Variants in TMEM132C observed in about 807,000 individuals in gnomAD.
TMEM132C encodes the protein transmembrane protein 132C, also known as protein phosphatase 1, regulatory subunit 152.
A neutral mutation model predicts 61.4 loss-of-function variants in TMEM132C; 29 were observed. The ratio of observed to expected loss-of-function variants is 0.47; its 90% CI spans 0.35 to 0.64. The LOEUF (loss-of-function observed/expected upper bound fraction) is 0.64, where lower values mean the gene tolerates loss of function less well. Ranked by LOEUF, TMEM132C falls within the 30% of genes least tolerant of loss-of-function variation. The pLI is 0.00. For missense variants in TMEM132C, 1,408 were observed against 1,476.9 expected (o/e 0.95, Z 0.76); for synonymous variants, 656 against 633.1 (o/e 1.04, Z -0.54).
At chr12:128,328,658 G>A (rs1033149540) in intron 1 of TMEM132C, among the ~76,000 whole-genome samples, 4 of 151,878 alleles carry the variant, frequency 2.6e-5, no homozygotes, top group South Asian at 2.1e-4. Flanking sequence ...GTGGTGGCAG[G>A]CACCCATAAT....
chr12:128,621,895 C>G (rs1953966521), intron 4 of TMEM132C, among the ~76,000 whole-genome samples: 1 of 152,182 alleles, frequency 6.6e-6, no homozygotes, highest in Admixed American at 6.5e-5. Flanking sequence ...ATGCCCACAG[C>G]TCTATGGCTC....
intron 4 of TMEM132C, among the ~76,000 whole-genome samples, chr12:128,660,349 TAGG>T (rs201882929): frequency 0.012 from 1,832 of 152,236 alleles, 34 homozygotes; most frequent in African/African-American, 0.042. Context: ...GCCAGTTCTA[TAGG>T]AGAAGTTTCT....
intron 2 of TMEM132C, among the ~76,000 whole-genome samples, chr12:128,491,622 T>TG (rs1390042847): frequency 6.6e-6 from 1 of 152,180 alleles, no homozygotes; most frequent in South Asian, 2.1e-4. Flanking sequence ...GCTCCTACTC[T>TG]GTCCCTGATG....
chr12:128,482,152 CAT>C (rs772142691), intron 2 of TMEM132C, among the ~76,000 whole-genome samples: 18 of 152,266 alleles, frequency 1.2e-4, no homozygotes, highest in African/African-American at 3.9e-4. Context: ...TTGAGATAAT[CAT>C]GTGGTTTTTG....
chr12:128,583,711 C>G (rs1875434673), intron 3 of TMEM132C, among the ~76,000 whole-genome samples: 1 of 152,202 alleles, frequency 6.6e-6, no homozygotes, highest in Non-Finnish European at 1.5e-5. Context: ...CCGAGCACCC[C>G]CAGATGGAGG....
intron 1 of TMEM132C, among the ~76,000 whole-genome samples, chr12:128,344,231 C>T (rs1873077141): frequency 6.6e-6 from 1 of 152,128 alleles, no homozygotes; most frequent in Non-Finnish European, 1.5e-5. Context: ...AATCTAGGCT[C>T]ACGGCAAGCT....
At chr12:128,486,490 C>G (rs1034870268) in intron 2 of TMEM132C, among the ~76,000 whole-genome samples, 6 of 152,176 alleles carry the variant, frequency 3.9e-5, no homozygotes, top group Non-Finnish European at 8.8e-5. Flanking sequence ...ACCCAGCAGA[C>G]CCTCCTTCTC....
At chr12:128,633,981 A>G (rs932690065) in intron 4 of TMEM132C, among the ~76,000 whole-genome samples, 1 of 152,234 alleles carries the variant, frequency 6.6e-6, no homozygotes, top group African/African-American at 2.4e-5. Context: ...TATTTATTGG[A>G]TATCCACAAA....
At position 128,415,040 on chromosome 12, in the gene TMEM132C, A is replaced by C. The variant is rs966874340; in HGVS notation, c.394A>C (p.Lys132Gln). The C allele has an allele frequency of 6.3e-7, 1 of 1,577,002 alleles. No homozygotes were observed. The highest frequency in any genetic ancestry group is 1.8e-5 in the Admixed American group (1 of 54,346). The change falls in exon 2 of 9, where the codon AAA becomes CAA. Residue 132 changes from lysine (K) to glutamine (Q), a missense_variant. Coordinates refer to ENST00000435159, the MANE Select transcript of TMEM132C (RefSeq NM_001136103.3). The surrounding 1 kb of genome is among the most constrained non-coding windows in gnomAD (Gnocchi z 5.8). ...TAAGTTTAGTTTTGATTGGAAACTA[A>C]AAGCCCACATCCTGCGGGACAAAGT... is the stretch of plus-strand genomic sequence containing the variant. The part of the protein sequence containing the change: ...TNKFSFDWKL[K>Q]AHILRDKVYL...
At chr12:128,679,699 T>C (rs1261874363) in intron 5 of TMEM132C, among the ~76,000 whole-genome samples, 1 of 152,360 alleles carries the variant, frequency 6.6e-6, no homozygotes, top group African/African-American at 2.4e-5. Flanking sequence ...GAGCACGTAC[T>C]ATGCTCTGGG....
At chr12:128,543,382 G>A (rs1255350351) in intron 2 of TMEM132C, among the ~76,000 whole-genome samples, 1 of 152,164 alleles carries the variant, frequency 6.6e-6, no homozygotes, top group East Asian at 1.9e-4. Context: ...GTTATGCCTT[G>A]TCCAAATTTG....
At chr12:128,704,354 G>A (rs1246697918) in intron 8 of TMEM132C, among the ~76,000 whole-genome samples, 1 of 152,012 alleles carries the variant, frequency 6.6e-6, no homozygotes, top group Non-Finnish European at 1.5e-5. Flanking sequence ...CCTTCACACT[G>A]GCCCTTTGCT....
intron 2 of TMEM132C, among the ~76,000 whole-genome samples, chr12:128,443,128 CAT>C (rs947827607): frequency 2.7e-5 from 4 of 150,642 alleles, no homozygotes; most frequent in African/African-American, 4.9e-5. Context: ...TATACGTATA[CAT>C]ATATATATAT....
chr12:128,597,449 G>C (rs1876009790), intron 3 of TMEM132C, among the ~76,000 whole-genome samples: 1 of 151,936 alleles, frequency 6.6e-6, no homozygotes, highest in African/African-American at 2.4e-5. Context: ...CTGTACTCCA[G>C]CCTGCAGAAA....
At chr12:128,586,290 C>G (rs1020114347) in intron 3 of TMEM132C, among the ~76,000 whole-genome samples, 1 of 151,514 alleles carries the variant, frequency 6.6e-6, no homozygotes, top group African/African-American at 2.4e-5. Flanking sequence ...ATGACCATAG[C>G]CAAACATACT....
chr12:128,649,269 C>T (rs1021514313), intron 4 of TMEM132C, among the ~76,000 whole-genome samples: 1 of 152,214 alleles, frequency 6.6e-6, no homozygotes, highest in Non-Finnish European at 1.5e-5. Flanking sequence ...GCCAGTGACT[C>T]AGGGATCCAA....
At chr12:128,416,879 C>T (rs1286636681) in intron 2 of TMEM132C, among the ~76,000 whole-genome samples, 2 of 152,144 alleles carry the variant, frequency 1.3e-5, no homozygotes, top group Admixed American at 6.5e-5. Context: ...CTTTCAGCGA[C>T]GTCATGAACT....
rs556196656 is a variant in TMEM132C, at chr12:128,309,184, T to A, written c.85+41697T>A. Reference sequence around the variant, plus strand: ...GGATGGAAAGGAGGCAGCTTCAGAATGAAGCCGTATCGTTTTGTTTCAGGA... The same window carrying A: ...GGATGGAAAGGAGGCAGCTTCAGAAAGAAGCCGTATCGTTTTGTTTCAGGA... On this transcript the variant is annotated intron_variant, in intron 1 of 8. Coordinates refer to ENST00000435159, the MANE Select transcript of TMEM132C (RefSeq NM_001136103.3). 2.0e-5 allele frequency among the ~76,000 whole-genome samples: 3 copies of A among 152,294 alleles called. No individual in the cohort carries two copies. In the South Asian group the frequency reaches 6.2e-4, roughly 32 times the overall value.
chr12:128,350,569 G>A (rs775979017), intron 1 of TMEM132C, among the ~76,000 whole-genome samples: 2 of 152,102 alleles, frequency 1.3e-5, no homozygotes, highest in Non-Finnish European at 2.9e-5. Flanking sequence ...AAGAGCAACG[G>A]TGAGATGGCC....
Sources: allele counts gnomAD v4.1 joint callset (sites outside exome capture counted in the v4.1 genomes callset), GRCh38; gene constraint gnomAD v4.1.1; non-coding constraint Gnocchi (gnomAD v3.1); transcripts MANE v1.5; gene names NCBI Gene and HGNC (gene_info 2026-07-23, HGNC 2026-07-21).